STARD13: variants seen among roughly 807,000 people sequenced by gnomAD.
The protein encoded by STARD13 is stAR-related lipid transfer protein 13.
In STARD13, 62 loss-of-function variants were observed where a neutral mutation model predicts 106.4. That is an observed-to-expected ratio of 0.58 (90% CI 0.48 to 0.72). The LOEUF (loss-of-function observed/expected upper bound fraction) is 0.72. Among genes scored for constraint, STARD13 ranks in the 30% least tolerant of loss-of-function variants. The pLI is 0.00. For synonymous variants in STARD13, 565 were observed against 553.0 expected (o/e 1.02, Z -0.31); for missense variants, 1,387 against 1,424.0 (o/e 0.97, Z 0.42).
chr13:33,457,912 A>G, the STARD13 span, among the ~76,000 whole-genome samples: 1 of 152,216 alleles, frequency 6.6e-6, no homozygotes, highest in Non-Finnish European at 1.5e-5. Flanking sequence ...AACTCCTTAA[A>G]AATACAAAGA....
At chr13:33,587,660 G>A in the STARD13 span, among the ~76,000 whole-genome samples, 1 of 152,276 alleles carries the variant, frequency 6.6e-6, no homozygotes, top group South Asian at 2.1e-4. Context: ...TGATTCATTA[G>A]GTCTGAGATG....
chr13:33,590,369 A>T, the STARD13 span, among the ~76,000 whole-genome samples: 1 of 152,150 alleles, frequency 6.6e-6, no homozygotes, highest in African/African-American at 2.4e-5. Context: ...CAAGGATTAT[A>T]AATCATGCTC....
At chr13:33,667,739 A>C in the STARD13 span, among the ~76,000 whole-genome samples, 1 of 152,264 alleles carries the variant, frequency 6.6e-6, no homozygotes. Flanking sequence ...TTCATTGGTA[A>C]CAATGTTTTT....
At chr13:33,197,727 A>G (rs909010126) in intron 1 of STARD13, among the ~76,000 whole-genome samples, 2 of 152,156 alleles carry the variant, frequency 1.3e-5, no homozygotes, top group East Asian at 1.9e-4. Context: ...CCGTCCTTAC[A>G]TTAGTATGTA....
At chr13:33,260,291 G>A (rs17078904) in intron 1 of STARD13, among the ~76,000 whole-genome samples, 40,731 of 152,094 alleles carry the variant, frequency 0.27, 6,619 homozygotes, top group African/African-American at 0.45. Context: ...AAACCTTATC[G>A]TAGCATCTTT....
chr13:33,613,197 A>G, the STARD13 span, among the ~76,000 whole-genome samples: 1 of 152,222 alleles, frequency 6.6e-6, no homozygotes. Flanking sequence ...TTTCACATAT[A>G]TCACAACACC....
At chr13:33,440,576 C>T in the STARD13 span, among the ~76,000 whole-genome samples, 1 of 151,200 alleles carries the variant, frequency 6.6e-6, no homozygotes, top group African/African-American at 2.4e-5. Context: ...TTGCTTGTGC[C>T]CTTCTTATAT....
At chr13:33,561,732 AT>A in the STARD13 span, among the ~76,000 whole-genome samples, 1,626 of 146,806 alleles carry the variant, frequency 0.011, 197 homozygotes, top group African/African-American at 0.039. Flanking sequence ...GATATAAAAA[AT>A]ATTATACTCT....
chr13:33,434,560 T>G, the STARD13 span, among the ~76,000 whole-genome samples: 1 of 152,162 alleles, frequency 6.6e-6, no homozygotes, highest in Non-Finnish European at 1.5e-5. Flanking sequence ...AGTCTCATAA[T>G]GCTTTCTTGG....
intron 1 of STARD13, among the ~76,000 whole-genome samples, chr13:33,196,493 A>G (rs1010938210): frequency 6.6e-6 from 1 of 152,242 alleles, no homozygotes; most frequent in Non-Finnish European, 1.5e-5. Context: ...TGGAGCTGCC[A>G]GCCTGCCAGT....
At chr13:33,435,529 C>T in the STARD13 span, among the ~76,000 whole-genome samples, 2 of 152,242 alleles carry the variant, frequency 1.3e-5, no homozygotes, top group Middle Eastern at 3.4e-3. Context: ...CTTTTTGCCT[C>T]ATGTGGCTGT....
At chr13:33,607,146 C>T in the STARD13 span, among the ~76,000 whole-genome samples, 1 of 147,994 alleles carries the variant, frequency 6.8e-6, no homozygotes, top group Non-Finnish European at 1.5e-5. Context: ...TTTTAAGTGT[C>T]CCAATATATG....
the STARD13 span, among the ~76,000 whole-genome samples, chr13:33,458,930 C>T: frequency 6.6e-6 from 1 of 150,632 alleles, no homozygotes; most frequent in East Asian, 2.0e-4. Context: ...AAGTAATTCT[C>T]CTGCCTCAGT....
At chr13:33,354,069 C>G (rs2078104536), upstream of STARD13, among the ~76,000 whole-genome samples, 1 of 152,174 alleles carries the variant, frequency 6.6e-6, no homozygotes, top group Non-Finnish European at 1.5e-5. Flanking sequence ...CCTATGTGAG[C>G]CACCTGGTGC....
chr13:33,505,003 C>T, the STARD13 span, among the ~76,000 whole-genome samples: 1 of 152,160 alleles, frequency 6.6e-6, no homozygotes, highest in Non-Finnish European at 1.5e-5. Context: ...AAGTACAACT[C>T]ATAGCAGCTT....
chr13:33,405,996 G>A, the STARD13 span, among the ~76,000 whole-genome samples: 2 of 152,300 alleles, frequency 1.3e-5, no homozygotes, highest in East Asian at 3.9e-4. Context: ...CCTACAAGAT[G>A]GGAACTATTG....
rs1372920077 is a variant in STARD13, at chr13:33,298,881, A to T, written c.124+51409T>A. Among the ~76,000 whole-genome samples the T allele has an allele frequency of 2.0e-5, 3 of 152,234 alleles. No individual in the cohort carries two copies. In the East Asian group the frequency reaches 5.8e-4, roughly 29 times the overall value. ...GACGTAGGAAACTCTCTTTATAGCTATCCCTGGTTTTAAAACCTGAGATAA... is the reference window on the plus strand; with the variant it reads ...GACGTAGGAAACTCTCTTTATAGCTTTCCCTGGTTTTAAAACCTGAGATAA... On this transcript the variant is annotated intron_variant, in intron 1 of 5. Transcript: ENST00000567873.
the STARD13 span, among the ~76,000 whole-genome samples, chr13:33,665,962 T>C: frequency 1.3e-5 from 2 of 152,142 alleles, no homozygotes; most frequent in Non-Finnish European, 2.9e-5. Context: ...GAATCCATGC[T>C]TGACCACAGG....
the STARD13 span, among the ~76,000 whole-genome samples, chr13:33,422,939 T>C: frequency 2.0e-5 from 3 of 152,192 alleles, no homozygotes; most frequent in African/African-American, 7.2e-5. Flanking sequence ...TATACAAAAA[T>C]TAATTCAAGA....
Sources: gnomAD v4.1 joint callset for allele counts (sites outside exome capture counted in the v4.1 genomes callset) on GRCh38, gnomAD v4.1.1 for gene constraint, MANE v1.5 for transcripts, NCBI Gene and HGNC (gene_info 2026-07-23, HGNC 2026-07-21) for gene names.